The following C19orf47 variants were observed in gnomAD, a reference collection of about 807,000 sequenced individuals.
C19orf47 encodes the protein chromosome 19 open reading frame 47.
A neutral mutation model predicts 32.3 loss-of-function variants in C19orf47; 18 were observed. That is an observed-to-expected ratio of 0.56 (90% confidence interval 0.39 to 0.83). The LOEUF (loss-of-function observed/expected upper bound fraction) is 0.83. Among genes scored for constraint, C19orf47 ranks in the 40% least tolerant of loss-of-function variants. The probability of loss-of-function intolerance (pLI) is 0.00; values close to 1 mark genes in which losing one functional copy is unlikely to be tolerated. For missense variants in C19orf47, 484 were observed against 531.6 expected (o/e 0.91, Z 0.88); for synonymous variants, 202 against 211.1 (o/e 0.96, Z 0.37).
upstream of C19orf47, chr19:40,348,410 C>A: frequency 1.3e-6 from 2 of 1,487,980 alleles, no homozygotes; most frequent in Non-Finnish European, 1.8e-6. Context: ...CCGGCCCGGG[C>A]TGCCCGCCCC....
the C19orf47 span, among the ~76,000 whole-genome samples, chr19:40,298,926 CTTAAAAATGAGAGTGAATTTAT>C: frequency 2.4e-4 from 3 of 12,696 alleles, no homozygotes; most frequent in African/African-American, 1.4e-3. Flanking sequence ...TTTATTATGT[CTTAAAAATGAGAGTGAATTTAT>C]TATGTCTTAA....
At chr19:40,310,911 C>T in the C19orf47 span, among the ~76,000 whole-genome samples, 680 of 152,154 alleles carry the variant, frequency 4.5e-3, 12 homozygotes, top group East Asian at 0.058. Flanking sequence ...TAAAAATTAA[C>T]ACAATGAATA....
rs371311609 is a variant in C19orf47 at position 40,322,364 on chromosome 19, A to G, written c.676T>C (p.Phe226Leu). Residue 226 changes from phenylalanine (F) to leucine (L), a missense_variant, in exon 9 of 9, where the codon TTC becomes CTC. By Grantham distance (22) the Phe-to-Leu change is conservative. This residue lies in a region of C19orf47 where 376 missense variants were observed against 370.2 expected (regional missense o/e 1.02). Transcript: ENST00000683109. ...TCTGGGGTGGCCCCCAGGCGGCTGA[A>G]GACTCCTGTGGGCTGTGGAGGTCAG... ...TTTGSKPTGV[F>L]SRLGATPETD... is the part of the protein sequence containing the mutation. The G allele has an allele frequency of 1.9e-6, 3 of 1,590,378 alleles. No homozygotes were observed. Among genetic ancestry groups the G allele is most frequent in the Non-Finnish European group, 2.6e-6 (3 of 1,165,508 alleles).
At chr19:40,341,320 G>A (rs1002691880) in intron 2 of C19orf47, among the ~76,000 whole-genome samples, 2 of 151,852 alleles carry the variant, frequency 1.3e-5, no homozygotes, top group Admixed American at 6.6e-5. Flanking sequence ...GGCAACAAGA[G>A]CGAAACTCCA....
At chr19:40,348,183 C>CA (rs1391465004) in intron 1 of C19orf47, 141 bp downstream of exon 1, 1 of 494,980 alleles carries the variant, frequency 2.0e-6, no homozygotes, top group East Asian at 4.4e-5. Context: ...CCCCATTCCA[C>CA]AGGGGAGGAA....
chr19:40,315,475 G>A (rs938573102), downstream of C19orf47, among the ~76,000 whole-genome samples: 3 of 151,854 alleles, frequency 2.0e-5, no homozygotes, highest in Non-Finnish European at 2.9e-5. Context: ...GTGAGACCTC[G>A]TCTCTACAAG....
intron 4 of C19orf47, among the ~76,000 whole-genome samples, 157 bp downstream of exon 4, chr19:40,335,953 G>T (rs1446017916): frequency 6.6e-6 from 1 of 152,214 alleles, no homozygotes; most frequent in African/African-American, 2.4e-5. Flanking sequence ...AGCTCAGAGA[G>T]GTTGGGCAAT....
chr19:40,296,818 G>A, the C19orf47 span, among the ~76,000 whole-genome samples: 5 of 152,002 alleles, frequency 3.3e-5, no homozygotes, highest in Non-Finnish European at 7.4e-5. Context: ...GGAGGCTAAG[G>A]CAAGAGAATT....
chr19:40,294,889 A>G, the C19orf47 span, among the ~76,000 whole-genome samples: 5 of 152,170 alleles, frequency 3.3e-5, no homozygotes, highest in African/African-American at 1.2e-4. Flanking sequence ...CTCAACCTTC[A>G]ATTGGACAAT....
chr19:40,301,144 T>A, the C19orf47 span, among the ~76,000 whole-genome samples: 1 of 151,772 alleles, frequency 6.6e-6, no homozygotes, highest in African/African-American at 2.4e-5. Context: ...AGAGCGAGAC[T>A]CTGTCTCAGA....
intron 2 of C19orf47, 50 bp downstream of exon 2, chr19:40,341,789 A>C (rs1186021870): frequency 1.3e-6 from 2 of 1,535,288 alleles, no homozygotes; most frequent in South Asian, 1.2e-5. Flanking sequence ...GCCATACCTC[A>C]AAAAGGGCAG....
intron 5 of C19orf47, among the ~76,000 whole-genome samples, chr19:40,329,377 G>A (rs931064957): frequency 1.3e-5 from 2 of 151,820 alleles, no homozygotes; most frequent in Non-Finnish European, 2.9e-5. Context: ...ATGGTGGCAT[G>A]TGCCTGTAGT....
the C19orf47 span, among the ~76,000 whole-genome samples, chr19:40,309,397 C>A: frequency 6.6e-6 from 1 of 152,056 alleles, no homozygotes; most frequent in Non-Finnish European, 1.5e-5. Flanking sequence ...CCATGTTGGT[C>A]AGGCTGGTTT....
At chr19:40,309,128 C>T in the C19orf47 span, among the ~76,000 whole-genome samples, 1 of 151,654 alleles carries the variant, frequency 6.6e-6, no homozygotes, top group East Asian at 1.9e-4. Flanking sequence ...ATTCTGATTT[C>T]TCCTCCAGTG....
At chr19:40,306,813 CAG>C in the C19orf47 span, among the ~76,000 whole-genome samples, 1 of 126,840 alleles carries the variant, frequency 7.9e-6, no homozygotes, top group Non-Finnish European at 1.6e-5. Flanking sequence ...TTTTTTGAGA[CAG>C]AGTCTTGCTG....
the C19orf47 span, among the ~76,000 whole-genome samples, chr19:40,310,437 C>A: frequency 6.6e-6 from 1 of 152,200 alleles, no homozygotes; most frequent in Admixed American, 6.5e-5. Flanking sequence ...TGCCACCACA[C>A]CCCGCTAATT....
At chr19:40,345,867 A>AG (rs2078267347) in intron 1 of C19orf47, among the ~76,000 whole-genome samples, 1 of 147,524 alleles carries the variant, frequency 6.8e-6, no homozygotes, top group Admixed American at 6.8e-5. Flanking sequence ...AAAAAAAAAA[A>AG]GGAAAGGTGG....
the C19orf47 span, among the ~76,000 whole-genome samples, chr19:40,308,241 T>C: frequency 6.6e-6 from 1 of 151,274 alleles, no homozygotes; most frequent in Non-Finnish European, 1.5e-5. Context: ...CAGCAACCTC[T>C]GCCTCCCAGG....
intron 2 of C19orf47, among the ~76,000 whole-genome samples, chr19:40,339,980 CA>C (rs548548957): frequency 0.014 from 995 of 68,684 alleles, 4 homozygotes; most frequent in African/African-American, 0.047. Flanking sequence ...CATCTCAAAA[CA>C]AAAAAAAAAA....
Sources: allele counts gnomAD v4.1 joint callset (sites outside exome capture counted in the v4.1 genomes callset), GRCh38; gene constraint gnomAD v4.1.1; regional missense constraint gnomAD v4.1.1; transcripts MANE v1.5; gene names NCBI Gene and HGNC (gene_info 2026-07-23, HGNC 2026-07-21).